KANSL1: variants seen among roughly 807,000 people sequenced by gnomAD.
The protein encoded by KANSL1 is MLL1/MLL complex subunit KANSL1.
Under a neutral mutation model 103.6 loss-of-function variants are expected in KANSL1, and 22 were observed. That is an observed-to-expected ratio of 0.21 (90% confidence interval 0.15 to 0.30). The LOEUF (loss-of-function observed/expected upper bound fraction) is 0.30. Ranked by LOEUF, KANSL1 falls within the 10% of genes least tolerant of loss-of-function variation. The pLI is 1.00. For synonymous variants in KANSL1, 600 were observed against 527.6 expected (o/e 1.14, Z -1.88); for missense variants, 1,337 against 1,399.8 (o/e 0.96, Z 0.72).
chr17:46,089,644 C>T (rs969577037), intron 3 of KANSL1, among the ~76,000 whole-genome samples: 1 of 145,010 alleles, frequency 6.9e-6, no homozygotes, highest in African/African-American at 2.5e-5. Flanking sequence ...AACACCAACC[C>T]ACTTAACCAA....
chr17:46,104,977 C>T (rs1174503468), intron 2 of KANSL1, among the ~76,000 whole-genome samples: 1 of 152,168 alleles, frequency 6.6e-6, no homozygotes, highest in Non-Finnish European at 1.5e-5. Context: ...CACCACGCCT[C>T]GCTAATTTTT....
intron 1 of KANSL1, among the ~76,000 whole-genome samples, chr17:46,189,906 C>CAAAAAAAAAAAA (rs55934305): frequency 1.6e-4 from 18 of 112,442 alleles, no homozygotes; most frequent in Non-Finnish European, 2.1e-4. Context: ...GACCCTGCCT[C>CAAAAAAAAAAAA]AAAAAAAAAA....
chr17:46,078,130 T>C (rs985219457), intron 4 of KANSL1, among the ~76,000 whole-genome samples: 6 of 152,224 alleles, frequency 3.9e-5, no homozygotes, highest in Non-Finnish European at 8.8e-5. Context: ...TTTGTGGAGC[T>C]AGTTTTGTTT....
At chr17:46,103,358 T>G (rs2042399642) in intron 2 of KANSL1, among the ~76,000 whole-genome samples, 1 of 152,234 alleles carries the variant, frequency 6.6e-6, no homozygotes, top group Non-Finnish European at 1.5e-5. Context: ...CCCATCCCTA[T>G]GAATTATTTT....
intron 2 of KANSL1, among the ~76,000 whole-genome samples, chr17:46,165,414 A>G (rs1597854049): frequency 6.6e-6 from 1 of 151,842 alleles, no homozygotes; most frequent in African/African-American, 2.4e-5. Flanking sequence ...TTGAATTTTT[A>G]GTAGAGACGG....
chr17:46,187,287 G>C (rs973546232), intron 1 of KANSL1, among the ~76,000 whole-genome samples: 3 of 152,140 alleles, frequency 2.0e-5, no homozygotes, highest in Non-Finnish European at 2.9e-5. Flanking sequence ...ATTTAACCAA[G>C]TCTAACCTTA....
rs148071729 is a variant in KANSL1 at position 46,141,127 on chromosome 17, T to A, written c.1289+29728A>T. ...ATTAACTAAAGTACTTGTATTTCTC[T>A]TTACAAAACTAAGTTATGTAAGAAC... On this transcript the variant is annotated intron_variant, in intron 2 of 14. Coordinates refer to ENST00000432791, the MANE Select transcript of KANSL1 (RefSeq NM_015443.4). Among the ~76,000 whole-genome samples, 3 of 152,370 alleles carry A rather than the reference T, an allele frequency of 2.0e-5. 1 individual carries two copies. The South Asian group carries it at 6.2e-4, about 32-fold the overall frequency.
intron 1 of KANSL1, among the ~76,000 whole-genome samples, chr17:46,186,383 CAAA>C (rs371176514): frequency 3.6e-5 from 4 of 111,396 alleles, no homozygotes; most frequent in Admixed American, 1.8e-4. Context: ...GACTGTGTCT[CAAA>C]AAAAAAAAAA....
intron 2 of KANSL1, among the ~76,000 whole-genome samples, chr17:46,103,307 T>C (rs1020414586): frequency 2.0e-5 from 3 of 152,320 alleles, no homozygotes; most frequent in African/African-American, 4.8e-5. Context: ...ATTTCAACTA[T>C]CAACTTTTGG....
In KANSL1 at chr17:46,216,511, A is replaced by C. The variant is rs551103810; in HGVS notation, c.-90+7160T>G. ...CTACTGGGGAAACTGAGGCAGGAGA[A>C]TTGCTTGAACCCAGGAGACGGAGGT... is the stretch of plus-strand genomic sequence containing the variant. On this transcript the variant is annotated intron_variant, in intron 1 of 14. Transcript: ENST00000572904. Among the ~76,000 whole-genome samples the C allele has an allele frequency of 4.7e-4, 71 of 150,832 alleles. 2 individuals carry two copies. Among genetic ancestry groups the C allele is most frequent in the Middle Eastern group, 6.9e-3 (2 of 288 alleles).
intron 1 of KANSL1, among the ~76,000 whole-genome samples, chr17:46,173,973 G>A (rs955054993): frequency 2.6e-5 from 4 of 152,226 alleles, no homozygotes; most frequent in African/African-American, 7.2e-5. Flanking sequence ...TTACTTGGCA[G>A]AACTACTGAC....
intron 1 of KANSL1, among the ~76,000 whole-genome samples, chr17:46,214,129 C>A (rs1156612357): frequency 6.6e-6 from 1 of 152,202 alleles, no homozygotes; most frequent in Non-Finnish European, 1.5e-5. Flanking sequence ...ACAACAAAAA[C>A]ACTTTTGCCC....
chr17:46,177,155 C>T (rs1414268647), intron 1 of KANSL1, among the ~76,000 whole-genome samples: 2 of 152,248 alleles, frequency 1.3e-5, no homozygotes, highest in Non-Finnish European at 2.9e-5. Flanking sequence ...TAAGTCTCCT[C>T]ATCTACAAGT....
chr17:46,070,506 G>T (rs897061267), intron 4 of KANSL1, among the ~76,000 whole-genome samples: 3 of 151,978 alleles, frequency 2.0e-5, no homozygotes, highest in African/African-American at 7.2e-5. Context: ...CTACACAGGG[G>T]AAACCTCAAA....
chr17:46,180,937 G>C (rs1256803726), intron 1 of KANSL1, among the ~76,000 whole-genome samples: 2 of 152,282 alleles, frequency 1.3e-5, no homozygotes, highest in East Asian at 3.9e-4. Flanking sequence ...TTTTAAATGG[G>C]AGTGAAACAT....
At chr17:46,114,098 C>T (rs775371818) in intron 2 of KANSL1, among the ~76,000 whole-genome samples, 2 of 152,194 alleles carry the variant, frequency 1.3e-5, no homozygotes, top group African/African-American at 2.4e-5. Flanking sequence ...TGTTGGCTCA[C>T]GCCTGTAATC....
intron 1 of KANSL1, among the ~76,000 whole-genome samples, chr17:46,184,633 T>C (rs1338704515): frequency 2.0e-5 from 3 of 152,196 alleles, no homozygotes; most frequent in Non-Finnish European, 2.9e-5. Context: ...GGCTCTTCTA[T>C]GCCCCTGCAC....
intron 4 of KANSL1, among the ~76,000 whole-genome samples, chr17:46,077,496 A>AT (rs2078823300): frequency 6.6e-6 from 1 of 152,040 alleles, no homozygotes; most frequent in Non-Finnish European, 1.5e-5. Context: ...TTCACCTTTG[A>AT]TTTTCACGAT....
At chr17:46,187,849 A>T (rs1451872158) in intron 1 of KANSL1, among the ~76,000 whole-genome samples, 1 of 152,246 alleles carries the variant, frequency 6.6e-6, no homozygotes. Context: ...AGACTGCCCA[A>T]ACTCATTTGT....
Sources: allele counts gnomAD v4.1 joint callset (sites outside exome capture counted in the v4.1 genomes callset), GRCh38; gene constraint gnomAD v4.1.1; transcripts MANE v1.5; gene names NCBI Gene and HGNC (gene_info 2026-07-23, HGNC 2026-07-21).